KDM4B: variants seen among roughly 807,000 people sequenced by gnomAD.
The protein encoded by KDM4B is lysine demethylase 4B.
A neutral mutation model predicts 125.2 loss-of-function variants in KDM4B; 32 were observed. That is an observed-to-expected ratio of 0.26 (90% CI 0.19 to 0.34). The LOEUF (loss-of-function observed/expected upper bound fraction) is 0.34, where lower values mean the gene tolerates loss of function less well. Ranked by LOEUF, KDM4B falls within the 10% of genes least tolerant of loss-of-function variation. The pLI, the probability that KDM4B is intolerant of heterozygous loss-of-function variation, is 1.00. For missense variants in KDM4B, 1,190 were observed against 1,577.7 expected (o/e 0.75, Z 4.16); for synonymous variants, 721 against 677.9 (o/e 1.06, Z -0.99).
Position 5,151,447 on chromosome 19 carries a change from A to T in KDM4B, c.3227A>T (p.Gln1076Leu). 1 of 1,547,160 alleles carries T rather than the reference A, an allele frequency of 6.5e-7. No individual in the cohort carries two copies. Among genetic ancestry groups the T allele is most frequent in the Non-Finnish European group, 8.7e-7 (1 of 1,148,746 alleles). Residue 1076 changes from glutamine to leucine, a missense_variant, in exon 23 of 23, where the codon CAG becomes CTG. Around this residue, in one of 7 missense-constraint regions of KDM4B, gnomAD observed 109 missense variants for 93.8 expected, o/e 1.16. Transcript: ENST00000159111. ...GCCACGGAGGACTCCGGGCGGAGCCAGGACTACGTGGCCTTCGTGGAGAGC... is the reference window on the plus strand; with the variant it reads ...GCCACGGAGGACTCCGGGCGGAGCCTGGACTACGTGGCCTTCGTGGAGAGC... ...PLATEDSGRSQDYVAFVESLL... is the reference protein window; with the variant it reads ...PLATEDSGRSLDYVAFVESLL...
intron 2 of KDM4B, among the ~76,000 whole-genome samples, chr19:5,028,714 T>G (rs1388326262): frequency 6.6e-6 from 1 of 152,178 alleles, no homozygotes; most frequent in Non-Finnish European, 1.5e-5. Context: ...AGGGCCCCAA[T>G]TTCTCCACAT....
chr19:5,026,972 C>T (rs928989460), intron 2 of KDM4B, among the ~76,000 whole-genome samples: 1 of 152,208 alleles, frequency 6.6e-6, no homozygotes, highest in Non-Finnish European at 1.5e-5. Context: ...TTGTTGGGAA[C>T]TATGTTGGCC....
chr19:5,073,453 C>G (rs2038010111), intron 7 of KDM4B, among the ~76,000 whole-genome samples: 1 of 152,254 alleles, frequency 6.6e-6, no homozygotes, highest in African/African-American at 2.4e-5. Flanking sequence ...TCCTGGTGCT[C>G]TCTGGTGCCC....
At chr19:5,024,935 C>T (rs2036232892) in intron 2 of KDM4B, among the ~76,000 whole-genome samples, 1 of 152,176 alleles carries the variant, frequency 6.6e-6, no homozygotes, top group Non-Finnish European at 1.5e-5. Flanking sequence ...CTGACAAGAG[C>T]GAGACTCCGT....
Position 5,144,067 on chromosome 19 carries a change from A to C in KDM4B, c.2651A>C (p.His884Pro), listed in dbSNP as rs746887067. Residue 884 changes from histidine to proline, a missense_variant, in exon 19 of 23, where the codon CAC becomes CCC. Transcript: ENST00000159111. ...ACGTCCTTCCACGTGACCTGCGCCC[A>C]CGCCGCAGGCGTGCTCATGGAGCCG... ...CSTSFHVTCAHAAGVLMEPDD... is the reference protein window; with the variant it reads ...CSTSFHVTCAPAAGVLMEPDD... The C allele has an allele frequency of 6.2e-7, 1 of 1,606,692 alleles. No individual in the cohort carries two copies. The highest frequency in any genetic ancestry group is 2.2e-5 in the East Asian group (1 of 44,592).
At chr19:5,083,317 G>A (rs1053398697) in intron 9 of KDM4B, among the ~76,000 whole-genome samples, 13 of 152,186 alleles carry the variant, frequency 8.5e-5, no homozygotes, top group African/African-American at 2.7e-4. Context: ...GGACGGGGTC[G>A]CCTTGGCTGG....
chr19:5,124,981 C>T (rs1032824794), intron 11 of KDM4B, among the ~76,000 whole-genome samples: 16 of 151,996 alleles, frequency 1.1e-4, no homozygotes, highest in African/African-American at 2.7e-4. Flanking sequence ...CTCACTGCAG[C>T]CTTGGTTTCC....
chr19:5,045,766 G>A (rs1250508257), intron 5 of KDM4B, among the ~76,000 whole-genome samples: 1 of 151,992 alleles, frequency 6.6e-6, no homozygotes, highest in African/African-American at 2.4e-5. Flanking sequence ...GAGCCACCAT[G>A]TCCAGCCTAA....
At chr19:5,050,208 T>C (rs2037175277) in intron 6 of KDM4B, among the ~76,000 whole-genome samples, 1 of 152,266 alleles carries the variant, frequency 6.6e-6, no homozygotes, top group African/African-American at 2.4e-5. Context: ...TTTCTGGGTC[T>C]GTTGCTACTT....
At chr19:5,039,685 G>A in intron 3 of KDM4B, 151 bp from the exon 4 acceptor site, 1 of 784,024 alleles carries the variant, frequency 1.3e-6, no homozygotes, top group East Asian at 2.7e-5. Context: ...GTTTGATAAG[G>A]CAAATGGGGG....
At chr19:5,010,500 AC>A (rs2035694413) in intron 1 of KDM4B, among the ~76,000 whole-genome samples, 1 of 152,180 alleles carries the variant, frequency 6.6e-6, no homozygotes, top group East Asian at 1.9e-4. Flanking sequence ...ACCAATTTTT[AC>A]ATTTCCGCGT....
chr19:5,111,259 G>A (rs899021825), intron 10 of KDM4B: 1 of 665,522 alleles, frequency 1.5e-6, no homozygotes, highest in Non-Finnish European at 2.7e-6. Flanking sequence ...GAGCAGTCGG[G>A]TTCCCTGCAA....
chr19:5,133,849 A>C lies in KDM4B; in HGVS notation c.1907-34A>C, dbSNP rs539600143. 2.3e-4 allele frequency: 365 copies of C among 1,605,500 alleles called. 4 individuals are homozygous for C. In the South Asian group the frequency reaches 3.7e-3, roughly 16 times the overall value. ...CTTGGACGAGTTTTTAGGGGGCTCA[A>C]GTGTCTCTCTCCCTCTCCCCTCTGT... is the stretch of plus-strand genomic sequence containing the variant. On this transcript the variant is annotated intron_variant, in intron 13 of 22. Coordinates refer to ENST00000159111, the MANE Select transcript of KDM4B (RefSeq NM_015015.3).
At chr19:5,150,104 G>T (rs2039919503) in intron 21 of KDM4B, among the ~76,000 whole-genome samples, 1 of 152,270 alleles carries the variant, frequency 6.6e-6, no homozygotes, top group African/African-American at 2.4e-5. Flanking sequence ...TGTGGAAGCT[G>T]CGGGGCCCTG....
intron 2 of KDM4B, among the ~76,000 whole-genome samples, chr19:5,029,970 C>T (rs1210024953): frequency 3.3e-5 from 5 of 152,248 alleles, no homozygotes; most frequent in Admixed American, 2.0e-4. Flanking sequence ...GTCTCCCCAG[C>T]GTGGGTTTTG....
intron 1 of KDM4B, among the ~76,000 whole-genome samples, chr19:5,015,965 T>G (rs1016113260): frequency 3.3e-5 from 5 of 152,200 alleles, no homozygotes; most frequent in African/African-American, 1.2e-4. Context: ...GTCTGCGTCT[T>G]AAGGCCTCCA....
In KDM4B at chr19:4,979,944, A is replaced by G. The variant is rs138949053; in HGVS notation, c.-109+10714A>G. Among the ~76,000 whole-genome samples, 17 of 152,148 alleles carry G rather than the reference A, an allele frequency of 1.1e-4. No individual in the cohort carries two copies. The East Asian group carries it at 3.3e-3, about 29-fold the overall frequency. ...ATGGTGAAACCCCATCTCTACTAACAATACAAAAGAATTAGCCAGGCATAG... is the reference window on the plus strand; with the variant it reads ...ATGGTGAAACCCCATCTCTACTAACGATACAAAAGAATTAGCCAGGCATAG... On this transcript the variant is annotated intron_variant, in intron 1 of 22. Transcript: ENST00000159111.
chr19:5,024,293 C>T (rs1438844328), intron 2 of KDM4B, among the ~76,000 whole-genome samples: 1 of 152,158 alleles, frequency 6.6e-6, no homozygotes, highest in Non-Finnish European at 1.5e-5. Context: ...AGTGCCAGTG[C>T]AGGTGGGGTG....
At chr19:5,090,184 G>A (rs2038644823) in intron 9 of KDM4B, among the ~76,000 whole-genome samples, 1 of 152,126 alleles carries the variant, frequency 6.6e-6, no homozygotes, top group East Asian at 1.9e-4. Context: ...CCTAGCCCCT[G>A]GGTCTGCCAG....
Sources: gnomAD v4.1 joint callset for allele counts (sites outside exome capture counted in the v4.1 genomes callset) on GRCh38, gnomAD v4.1.1 for gene constraint, gnomAD v4.1.1 regional missense constraint, MANE v1.5 for transcripts, NCBI Gene and HGNC (gene_info 2026-07-23, HGNC 2026-07-21) for gene names.